ZNF713: variants seen among roughly 807,000 people sequenced by gnomAD.
The protein encoded by ZNF713 is zinc finger protein 713.
ZNF713 carries 21 observed loss-of-function variants against 28.7 expected under a neutral mutation model. That is an observed-to-expected ratio of 0.73 (90% confidence interval 0.52 to 1.05). The LOEUF (loss-of-function observed/expected upper bound fraction) is 1.05, where lower values mean the gene tolerates loss of function less well. ZNF713 is among the 50% of genes least tolerant of loss of function. The pLI is 0.00. For missense variants in ZNF713, 458 were observed against 532.4 expected, an observed-to-expected ratio of 0.86 and a Z score of 1.37; for synonymous variants, 167 against 178.0, an observed-to-expected ratio of 0.94 and a Z score of 0.49.
chr7:55,901,920 A>G (rs1306559156), intron 1 of ZNF713, among the ~76,000 whole-genome samples: 6 of 152,240 alleles, frequency 3.9e-5, no homozygotes, highest in Non-Finnish European at 8.8e-5. Flanking sequence ...GACTGAGCAC[A>G]GTGGCTCACG....
At position 55,912,541 on chromosome 7, in the gene ZNF713, A is replaced by G. The variant is rs370561974; in HGVS notation, c.-2-94A>G. 8.3e-6 allele frequency: 7 copies of G among 842,112 alleles called. No individual in the cohort carries two copies. The African/African-American group carries it at 1.0e-4, about 12-fold the overall frequency. The allele number at this position is 842,112 out of a possible 1,614,324, so 52.2% of individuals were successfully genotyped here. A position where few individuals can be genotyped will look rare whatever the true frequency, so the allele number is the denominator to read the frequency against. ...AGGCTTATGTCTTAGAGGGCTTCTC[A>G]GTACTGTCTGCCATACCTACACAAA... On this transcript the variant is annotated intron_variant, in intron 3 of 6. Transcript: ENST00000429591.
At chr7:55,917,985 A>G in intron 4 of ZNF713, 1 of 452,464 alleles carries the variant, frequency 2.2e-6, no homozygotes. Context: ...AATGGCCAAA[A>G]TACCTCCCAT....
chr7:55,908,135 G>GTTTTTTTTT (rs71015120), intron 2 of ZNF713, among the ~76,000 whole-genome samples: 4 of 54,662 alleles, frequency 7.3e-5, no homozygotes, highest in Non-Finnish European at 1.1e-4. Flanking sequence ...ATCCGTTGTT[G>GTTTTTTTTT]TTTTTTTTTT....
At position 55,923,713 on chromosome 7, in the gene ZNF713, C is replaced by T. The variant is rs1786042476; in HGVS notation, c.307+14C>T. On this transcript the variant is annotated intron_variant, in intron 6 of 6. Coordinates refer to ENST00000429591, the MANE Select transcript of ZNF713 (RefSeq NM_182633.3). ...ATACTCATCCAGGTAAGTGCACACTCTTGGGCACTGCTACTTAATGAGGGA... is the reference window on the plus strand; with the variant it reads ...ATACTCATCCAGGTAAGTGCACACTTTTGGGCACTGCTACTTAATGAGGGA... 1 of 1,596,220 alleles carries T rather than the reference C, an allele frequency of 6.3e-7. No homozygotes were observed. Among genetic ancestry groups the T allele is most frequent in the South Asian group, 1.1e-5 (1 of 89,692 alleles).
At chr7:55,924,994 A>G (rs928401276) in intron 6 of ZNF713, 11 of 151,942 alleles carry the variant, frequency 7.2e-5, no homozygotes, top group Non-Finnish European at 1.5e-4. Flanking sequence ...GCATTCCCTT[A>G]AATATGGGAT....
chr7:55,918,756 T>C (rs548729874), intron 4 of ZNF713, among the ~76,000 whole-genome samples: 2 of 152,190 alleles, frequency 1.3e-5, no homozygotes, highest in Non-Finnish European at 2.9e-5. Context: ...CCCAGCACTT[T>C]GGGAGGCCAA....
chr7:55,912,166 T>C (rs1785796850), intron 3 of ZNF713, 98 bp downstream of exon 3: 4 of 154,292 alleles, frequency 2.6e-5, no homozygotes, highest in Admixed American at 2.6e-4. Context: ...GTATTCACTT[T>C]GGGGTGAATT....
At chr7:55,927,946 A>T (rs551622754) in intron 6 of ZNF713, among the ~76,000 whole-genome samples, 17 of 147,970 alleles carry the variant, frequency 1.1e-4, no homozygotes, top group Non-Finnish European at 2.2e-4. Flanking sequence ...GCAAGGTTCT[A>T]GAAGAGATGG....
At chr7:55,920,694 T>C (rs1400407494) in intron 4 of ZNF713, among the ~76,000 whole-genome samples, 1 of 152,256 alleles carries the variant, frequency 6.6e-6, no homozygotes, top group Non-Finnish European at 1.5e-5. Context: ...AAGGTGACTG[T>C]ACTAAACACA....
chr7:55,917,726 A>T (rs1785912020), intron 4 of ZNF713, among the ~76,000 whole-genome samples: 1 of 152,000 alleles, frequency 6.6e-6, no homozygotes, highest in Non-Finnish European at 1.5e-5. Context: ...AAGAAAAAAA[A>T]TTTTAAAGAC....
Position 55,939,374 on chromosome 7 carries a change from C to T in ZNF713, c.700C>T (p.Pro234Ser). 1 of 1,613,918 alleles carries T rather than the reference C, an allele frequency of 6.2e-7. No individual in the cohort carries two copies. The highest frequency in any genetic ancestry group is 8.5e-7 in the Non-Finnish European group (1 of 1,180,016). ...TCAGGGAAATTATGTAAGAGAGACT[C>T]CCTATGAATATAGTGAGTGTGGAAA... ...YYQGNYVRET[P>S]YEYSECGKIF... The change falls in exon 7 of 7, where the codon CCC becomes TCC. Residue 234 changes from proline to serine, a missense_variant. Coordinates refer to ENST00000429591, the MANE Select transcript of ZNF713 (RefSeq NM_182633.3).
At chr7:55,929,153 C>T (rs893583436) in intron 6 of ZNF713, among the ~76,000 whole-genome samples, 1 of 151,926 alleles carries the variant, frequency 6.6e-6, no homozygotes, top group African/African-American at 2.4e-5. Flanking sequence ...AAAAACGTGC[C>T]TACAAGAGTT....
chr7:55,922,981 C>G (rs1327773938), intron 4 of ZNF713, among the ~76,000 whole-genome samples, 181 bp from the exon 5 acceptor site: 2 of 152,108 alleles, frequency 1.3e-5, no homozygotes, highest in Non-Finnish European at 2.9e-5. Flanking sequence ...ATGTTTTTGT[C>G]TTGAAAGATG....
In ZNF713 at chr7:55,932,977, C is replaced by T. The variant is rs185068133; in HGVS notation, c.308-6005C>T. On this transcript the variant is annotated intron_variant, in intron 6 of 6. Coordinates refer to ENST00000429591, the MANE Select transcript of ZNF713 (RefSeq NM_182633.3). ...TACTGACTGGGTGCGGTGGCTCACA[C>T]CTACAATCCCAGCACTTTGGGAGGT... 2.6e-4 allele frequency among the ~76,000 whole-genome samples: 39 copies of T among 151,388 alleles called. No individual in the cohort carries two copies. In the East Asian group the frequency reaches 7.4e-3, roughly 29 times the overall value.
At chr7:55,935,542 A>G (rs562021280) in intron 6 of ZNF713, among the ~76,000 whole-genome samples, 1 of 152,296 alleles carries the variant, frequency 6.6e-6, no homozygotes, top group African/African-American at 2.4e-5. Context: ...CCTCCCTGAG[A>G]GTTGACAGAA....
chr7:55,907,693 A>T (rs939735523), intron 2 of ZNF713, among the ~76,000 whole-genome samples: 1 of 152,032 alleles, frequency 6.6e-6, no homozygotes, highest in Non-Finnish European at 1.5e-5. Flanking sequence ...TCCCACTTAC[A>T]AGTGGGAATG....
At chr7:55,891,207 A>G (rs933682559) in intron 1 of ZNF713, among the ~76,000 whole-genome samples, 1 of 152,206 alleles carries the variant, frequency 6.6e-6, no homozygotes, top group Non-Finnish European at 1.5e-5. Context: ...TCAACATTCT[A>G]ATATAAATAT....
intron 4 of ZNF713, among the ~76,000 whole-genome samples, chr7:55,919,786 A>C (rs1785957999): frequency 6.6e-6 from 1 of 152,102 alleles, no homozygotes; most frequent in South Asian, 2.1e-4. Flanking sequence ...TGCAATCTTC[A>C]TCCAGATCAA....
chr7:55,925,139 T>C (rs1017724939), intron 6 of ZNF713, among the ~76,000 whole-genome samples: 2 of 152,210 alleles, frequency 1.3e-5, no homozygotes, highest in Non-Finnish European at 2.9e-5. Flanking sequence ...TTAGGTAGTT[T>C]CTACTCTGGT....
Sources: allele counts gnomAD v4.1 joint callset (sites outside exome capture counted in the v4.1 genomes callset), GRCh38; gene constraint gnomAD v4.1.1; transcripts MANE v1.5; gene names NCBI Gene and HGNC (gene_info 2026-07-23, HGNC 2026-07-21).